HGS: variants seen among roughly 807,000 people sequenced by gnomAD.
HGS encodes the protein human growth factor-regulated tyrosine kinase substrate.
Under a neutral mutation model 109.7 loss-of-function variants are expected in HGS, and 63 were observed. The observed-to-expected ratio is 0.57, with a 90% CI of 0.47 to 0.71. The LOEUF (loss-of-function observed/expected upper bound fraction) is 0.71, where lower values mean the gene tolerates loss of function less well. Among genes scored for constraint, HGS ranks in the 30% least tolerant of loss-of-function variants. HGS has a pLI of 0.00. For missense variants in HGS, 995 were observed against 1,068.3 expected, an observed-to-expected ratio of 0.93 and a Z score of 0.96; for synonymous variants, 546 against 437.3, an observed-to-expected ratio of 1.25 and a Z score of -3.10.
At position 81,688,928 on chromosome 17, in the gene HGS, C is replaced by G. The variant is rs549213159; in HGVS notation, c.415+101C>G. ...GAGGGGCCTGGGAAGATGGGTTGTT[C>G]CCTGTGTTGGGAGGGAGGAGGGCGG... On this transcript the variant is annotated intron_variant, in intron 5 of 21. Coordinates refer to ENST00000329138, the MANE Select transcript of HGS (RefSeq NM_004712.5). 11 of 1,493,500 alleles carry G rather than the reference C, an allele frequency of 7.4e-6. 1 individual carries two copies. In the South Asian group the frequency reaches 1.2e-4, roughly 16 times the overall value. 92.5% of individuals were successfully genotyped at this position (1,493,500 alleles called of 1,614,324 possible).
rs758103601 is a variant in HGS, at chr17:81,701,559, C to G, written c.2275C>G (p.Pro759Ala). 9.5e-6 allele frequency: 15 copies of G among 1,572,224 alleles called. No individual in the cohort carries two copies. The East Asian group carries it at 3.0e-4, about 32-fold the overall frequency. The change falls in exon 22 of 22, where the codon CCG (proline) becomes GCG (alanine). Residue 759 changes from proline to alanine, a missense_variant. By Grantham distance (27) the Pro-to-Ala change is conservative. Coordinates refer to ENST00000329138, the MANE Select transcript of HGS (RefSeq NM_004712.5). ...GCAGCAGCCCCCCGTGGCCCAGCAACCGCAGGCACAGGGGCCGCCGGCACA... is the reference window on the plus strand; with the variant it reads ...GCAGCAGCCCCCCGTGGCCCAGCAAGCGCAGGCACAGGGGCCGCCGGCACA... ...PQQQPPVAQQ[P>A]QAQGPPAQGS...
In HGS at chr17:81,701,767, C is replaced by G. The variant is rs1425292034; in HGVS notation, c.*149C>G. The G allele has an allele frequency of 8.5e-7, 1 of 1,170,240 alleles. No homozygotes were observed. Among genetic ancestry groups the G allele is most frequent in the African/African-American group, 1.5e-5 (1 of 64,522 alleles). 72.5% of individuals were successfully genotyped at this position (1,170,240 alleles called of 1,614,324 possible). A position where few individuals can be genotyped will look rare whatever the true frequency, so the allele number is the denominator to read the frequency against. Reference sequence around the variant, plus strand: ...GGGGGGGCCTTCACCCCAAGCCCACCTCCCTTGTCCTCAGCCTACTGCAGT... The same window carrying G: ...GGGGGGGCCTTCACCCCAAGCCCACGTCCCTTGTCCTCAGCCTACTGCAGT... On this transcript the variant is annotated 3_prime_UTR_variant, in exon 22 of 22. Coordinates refer to ENST00000329138, the MANE Select transcript of HGS (RefSeq NM_004712.5).
intron 5 of HGS, among the ~76,000 whole-genome samples, chr17:81,689,289 G>T (rs1382433168): frequency 1.3e-5 from 2 of 152,252 alleles, no homozygotes; most frequent in Non-Finnish European, 2.9e-5. Context: ...GTGCAGCCGG[G>T]CCTGTGCGCC....
intron 21 of HGS, 64 bp downstream of exon 21, chr17:81,701,195 A>G: frequency 2.1e-6 from 3 of 1,436,060 alleles, no homozygotes; most frequent in Non-Finnish European, 2.9e-6. Context: ...ACGGTTTAGC[A>G]ATGGGACCCC....
chr17:81,698,340 A>ACCT (rs1385368943), intron 18 of HGS: 9 of 152,234 alleles, frequency 5.9e-5, no homozygotes, highest in Non-Finnish European at 1.2e-4. Flanking sequence ...GCCCAAGCTG[A>ACCT]CCTCAAACTC....
rs767261379 is a variant in HGS, at chr17:81,693,934, C to T, written c.905C>T (p.Pro302Leu). Residue 302 changes from proline (P) to leucine (L), a missense_variant, in exon 11 of 22, where the codon CCC becomes CTC. Transcript: ENST00000329138. ...AEPMPSASSA[P>L]PASSLYSSPV... ...CCCATGCCCTCGGCCTCCTCAGCGCCCCCCGCCAGCAGCCTGTACTCTTCA... is the reference window on the plus strand; with the variant it reads ...CCCATGCCCTCGGCCTCCTCAGCGCTCCCCGCCAGCAGCCTGTACTCTTCA... 1 of 1,611,536 alleles carries T rather than the reference C, an allele frequency of 6.2e-7. No homozygotes were observed. The highest frequency in any genetic ancestry group is 8.5e-7 in the Non-Finnish European group (1 of 1,179,782).
chr17:81,694,133 C>T (rs1429517001), intron 11 of HGS, among the ~76,000 whole-genome samples, 168 bp downstream of exon 11: 1 of 152,212 alleles, frequency 6.6e-6, no homozygotes, highest in East Asian at 1.9e-4. Flanking sequence ...AGCCCCACGG[C>T]TCCAGGCACC....
chr17:81,686,296 A>C lies in HGS; in HGVS notation c.123-16A>C, dbSNP rs1489403022. The C allele has an allele frequency of 1.2e-6, 2 of 1,607,764 alleles. No homozygotes were observed. Among genetic ancestry groups the C allele is most frequent in the East Asian group, 4.5e-5 (2 of 44,844 alleles). On this transcript the variant is annotated splice_polypyrimidine_tract_variant and intron_variant, in intron 2 of 21. Transcript: ENST00000329138. ...TTTCCCGTTTTTCTCTGCTTTTATC[A>C]ATGTTTCCTTTTCAGAGCAAAATAT...
At position 81,701,798 on chromosome 17, in the gene HGS, A is replaced by T; in HGVS notation, c.*180A>T. 1 of 870,766 alleles carries T rather than the reference A, an allele frequency of 1.1e-6. No individual in the cohort carries two copies. Among genetic ancestry groups the T allele is most frequent in the Non-Finnish European group, 1.6e-6 (1 of 609,494 alleles). The allele number at this position is 870,766 out of a possible 1,614,324, so 53.9% of individuals were successfully genotyped here. A position where few individuals can be genotyped will look rare whatever the true frequency, so the allele number is the denominator to read the frequency against. On this transcript the variant is annotated 3_prime_UTR_variant, in exon 22 of 22. Coordinates refer to ENST00000329138, the MANE Select transcript of HGS (RefSeq NM_004712.5). ...TGTCCTCAGCCTACTGCAGTCCCTG[A>T]GTTAGTCTCTGCTTTCTTTCCCCAG...
chr17:81,701,352 TGAAAG>T (rs1405739538), intron 21 of HGS, 151 bp from the exon 22 acceptor site: 1 of 913,546 alleles, frequency 1.1e-6, no homozygotes, highest in Non-Finnish European at 1.6e-6. Context: ...TGAATTTACT[TGAAAG>T]GCAAAGGCCG....
In HGS at chr17:81,696,478, G is replaced by A. The variant is rs534593378; in HGVS notation, c.1515G>A (p.Gln505=). ...LRRAAEEAER[Q]RQIQLAQKLE... ...GGGCAGCCGAGGAGGCAGAGCGCCA[G>A]CGCCAGATCCAGCTGGCCCAGAAGC... The change falls in exon 16 of 22, where the codon CAG becomes CAA. Residue 505 remains glutamine, a synonymous_variant. Transcript: ENST00000329138. 4.8e-5 allele frequency: 73 copies of A among 1,530,428 alleles called. 3 individuals carry two copies. In the South Asian group the frequency reaches 8.9e-4, roughly 19 times the overall value. 94.8% of individuals were successfully genotyped at this position (1,530,428 alleles called of 1,614,324 possible).
chr17:81,696,119 C>T (rs2037142226), intron 15 of HGS, 120 bp downstream of exon 15: 1 of 989,792 alleles, frequency 1.0e-6, no homozygotes, highest in Admixed American at 2.9e-5. Flanking sequence ...GGGGCCGTGG[C>T]TTCCTCCAGA....
intron 21 of HGS, 84 bp downstream of exon 21, chr17:81,701,215 T>A: frequency 8.0e-7 from 1 of 1,257,040 alleles, no homozygotes; most frequent in Non-Finnish European, 1.2e-6. Context: ...CTGGCCCCAG[T>A]GGGGATTGTC....
At chr17:81,688,018 C>G (rs1049171415) in intron 4 of HGS, among the ~76,000 whole-genome samples, 7 of 152,224 alleles carry the variant, frequency 4.6e-5, no homozygotes, top group Non-Finnish European at 7.3e-5. Context: ...GTTCGCTCCT[C>G]TGGGGTGAGG....
intron 18 of HGS, among the ~76,000 whole-genome samples, chr17:81,698,898 G>T (rs764142868): frequency 1.1e-3 from 173 of 152,058 alleles, no homozygotes; most frequent in Non-Finnish European, 3.2e-4. Flanking sequence ...GTGAAACCCC[G>T]TCTACTAAAA....
chr17:81,699,618 G>A (rs1053082745), intron 18 of HGS, among the ~76,000 whole-genome samples: 1 of 152,120 alleles, frequency 6.6e-6, no homozygotes, highest in Non-Finnish European at 1.5e-5. Flanking sequence ...TAGAGACAGG[G>A]TTTTACTATG....
intron 19 of HGS, 46 bp from the exon 20 acceptor site, chr17:81,700,649 G>A: frequency 1.9e-6 from 2 of 1,066,842 alleles, no homozygotes; most frequent in African/African-American, 1.6e-5. Flanking sequence ...CCCAGCCCCA[G>A]CCCCAGCCCC....
intron 5 of HGS, 97 bp from the exon 6 acceptor site, chr17:81,690,085 C>G (rs1457282720): frequency 5.3e-6 from 7 of 1,331,816 alleles, no homozygotes; most frequent in South Asian, 2.7e-5. Flanking sequence ...GGTGCACGGT[C>G]ACTGCTGCGT....
chr17:81,699,062 GTC>G (rs1472846217), intron 18 of HGS, among the ~76,000 whole-genome samples: 1 of 145,724 alleles, frequency 6.9e-6, no homozygotes, highest in South Asian at 2.2e-4. Context: ...GCGAGACTCC[GTC>G]TCAAAAAAAA....
Sources: allele counts gnomAD v4.1 joint callset (sites outside exome capture counted in the v4.1 genomes callset), GRCh38; gene constraint gnomAD v4.1.1; transcripts MANE v1.5; gene names NCBI Gene and HGNC (gene_info 2026-07-23, HGNC 2026-07-21).